Variants in RIF1 observed in about 807,000 individuals in gnomAD.
RIF1 encodes telomere-associated protein RIF1.
Under a neutral mutation model 247.1 loss-of-function variants are expected in RIF1, and 45 were observed. The ratio of observed to expected loss-of-function variants is 0.18; its 90% CI spans 0.14 to 0.23. The LOEUF (loss-of-function observed/expected upper bound fraction) is 0.23, where lower values mean the gene tolerates loss of function less well. Among genes scored for constraint, RIF1 ranks in the 10% least tolerant of loss-of-function variants. RIF1 has a pLI of 1.00. For missense variants in RIF1, 2,967 were observed against 2,862.5 expected, an observed-to-expected ratio of 1.04 and a Z score of -0.83; for synonymous variants, 1,087 against 978.8, an observed-to-expected ratio of 1.11 and a Z score of -2.06.
At chr2:151,473,227 T>C (rs1219319615) in intron 34 of RIF1, among the ~76,000 whole-genome samples, 1 of 151,994 alleles carries the variant, frequency 6.6e-6, no homozygotes, top group African/African-American at 2.4e-5. Context: ...AAGTTAACTT[T>C]CTGAACTTAG....
chr2:151,507,050 A>C, intron 13 of RIF1: 1 of 1,261,488 alleles, frequency 7.9e-7, no homozygotes, highest in Non-Finnish European at 1.2e-6. Flanking sequence ...TAAGATTTCA[A>C]CATTGCTTTG....
chr2:151,480,307 G>T lies in RIF1; in HGVS notation c.*5236G>T, dbSNP rs1354937592. 1 of 152,154 alleles carries T rather than the reference G, an allele frequency of 6.6e-6. No individual in the cohort carries two copies. Among genetic ancestry groups the T allele is most frequent in the Non-Finnish European group, 1.5e-5 (1 of 67,998 alleles). The allele number at this position is 152,154 out of a possible 1,614,324, so 9.4% of individuals were successfully genotyped here. A position where few individuals can be genotyped will look rare whatever the true frequency, so the allele number is the denominator to read the frequency against. On this transcript the variant is annotated 3_prime_UTR_variant, in exon 36 of 36. Transcript: ENST00000444746. ...GGCCACAGTGTGCCAATTTATAATTGTAGATAAAGCTGAATTTACTGGGCA... is the reference window on the plus strand; with the variant it reads ...GGCCACAGTGTGCCAATTTATAATTTTAGATAAAGCTGAATTTACTGGGCA...
At chr2:151,460,400 A>G (rs938399597) in intron 26 of RIF1, among the ~76,000 whole-genome samples, 4 of 152,226 alleles carry the variant, frequency 2.6e-5, no homozygotes, top group African/African-American at 9.7e-5. Flanking sequence ...GAATGAGACT[A>G]GTTATGAATG....
chr2:151,462,351 A>G, intron 28 of RIF1, 29 bp downstream of exon 28: 1 of 1,490,166 alleles, frequency 6.7e-7, no homozygotes, highest in Admixed American at 1.9e-5. Flanking sequence ...AAACTTTTAT[A>G]TCTGTTTTAT....
chr2:151,411,433 G>C, intron 3 of RIF1, 95 bp downstream of exon 3: 1 of 771,334 alleles, frequency 1.3e-6, no homozygotes, highest in Admixed American at 2.7e-5. Flanking sequence ...TTTTGCTCTT[G>C]TTGCCCAGGC....
In RIF1 at chr2:151,455,035, A is replaced by T. The variant is rs757830300; in HGVS notation, c.2485A>T (p.Thr829Ser). Reference protein sequence around the residue: ...FKEAHSDTLFTIGNSITGIIS... With the variant: ...FKEAHSDTLFSIGNSITGIIS... ...GGAAGCACATTCTGATACCCTCTTC[A>T]CTATTGGCAACTCAATCACCGGCAT... is the stretch of plus-strand genomic sequence containing the variant. Residue 829 changes from threonine (T) to serine (S), a missense_variant, in exon 22 of 36, where the codon ACT becomes TCT. By Grantham distance (58) the Thr-to-Ser change is moderately conservative (BLOSUM62 1). This residue lies in a region of RIF1 where 2,028 missense variants were observed against 1,825.6 expected (regional missense o/e 1.11). Transcript: ENST00000444746. 23 of 1,613,796 alleles carry T rather than the reference A, an allele frequency of 1.4e-5. No homozygotes were observed. The East Asian group carries it at 5.1e-4, about 36-fold the overall frequency.
chr2:151,415,770 G>A lies in RIF1; in HGVS notation c.281-791G>A, dbSNP rs955423868. Among the ~76,000 whole-genome samples the A allele has an allele frequency of 3.3e-5, 5 of 151,786 alleles. No homozygotes were observed. The East Asian group carries it at 5.8e-4, about 18-fold the overall frequency. ...CGCATTCCTGTAATCCCAGCTACTC[G>A]GGAGGCTGAGGCAGGAGAATCGCTT... On this transcript the variant is annotated intron_variant, in intron 4 of 35. Coordinates refer to ENST00000444746, the MANE Select transcript of RIF1 (RefSeq NM_018151.5).
chr2:151,526,880 A>G, the RIF1 span: 1 of 1,379,352 alleles, frequency 7.2e-7, no homozygotes, highest in Non-Finnish European at 1.0e-6. Flanking sequence ...GATGGCCCTG[A>G]GTGAGGTTAG....
At chr2:151,432,315 AAGGTCTTTT>A (rs1265424009) in intron 9 of RIF1, among the ~76,000 whole-genome samples, 15 of 152,134 alleles carry the variant, frequency 9.9e-5, no homozygotes, top group African/African-American at 3.6e-4. Flanking sequence ...CAGCCCTTTT[AAGGTCTTTT>A]TGACAAGTTA....
In RIF1 at chr2:151,463,241, A is replaced by G. The variant is rs148193753; in HGVS notation, c.3721A>G (p.Asn1241Asp). Residue 1241 changes from asparagine (N) to aspartate (D), a missense_variant, in exon 30 of 36, where the codon AAT becomes GAT. Asn to Asp is a conservative substitution (Grantham distance 23, BLOSUM62 1). Around this residue, in one of 7 missense-constraint regions of RIF1, gnomAD observed 2,028 missense variants for 1,825.6 expected, o/e 1.11. Transcript: ENST00000444746. Reference sequence around the variant, plus strand: ...TAGACCTTTTAGTCCATCCCCCTTGAATAATATTTCATCAACTGTTACAGT... The same window carrying G: ...TAGACCTTTTAGTCCATCCCCCTTGGATAATATTTCATCAACTGTTACAGT... ...ENRPFSPSPL[N>D]NISSTVTVKN... The G allele has an allele frequency of 1.1e-3, 1,823 of 1,613,826 alleles. 6 individuals carry two copies. Among genetic ancestry groups the G allele is most frequent in the Non-Finnish European group, 1.4e-3 (1,641 of 1,179,864 alleles).
intron 3 of RIF1, among the ~76,000 whole-genome samples, chr2:151,413,125 C>G (rs1010313770): frequency 6.6e-6 from 1 of 151,354 alleles, no homozygotes; most frequent in Non-Finnish European, 1.5e-5. Flanking sequence ...CTCCTGGGTT[C>G]AAGCCGTTCT....
the RIF1 span, among the ~76,000 whole-genome samples, chr2:151,517,520 A>G: frequency 1.1e-4 from 16 of 152,204 alleles, no homozygotes; most frequent in Non-Finnish European, 1.6e-4. Flanking sequence ...TATAGTCATG[A>G]ATTGCTTAAC....
At chr2:151,494,602 G>T (rs1239628859) in intron 9 of RIF1, among the ~76,000 whole-genome samples, 1 of 152,044 alleles carries the variant, frequency 6.6e-6, no homozygotes, top group Admixed American at 6.6e-5. Context: ...CACTGAGAAG[G>T]TTGAGGCTGT....
In RIF1 at chr2:151,465,643, T is replaced by C. The variant is rs200802221; in HGVS notation, c.6123T>C (p.Asn2041=). Residue 2041 remains asparagine (N), a synonymous_variant, in exon 30 of 36, where the codon AAT becomes AAC. Coordinates refer to ENST00000444746, the MANE Select transcript of RIF1 (RefSeq NM_018151.5). ...CTGGCCATGATGGTGAAACAGAGAA[T>C]GAGGGCATAACTACCAAAACCTCAA... ...AETGHDGETE[N]EGITTKTSKP... 3 of 1,614,106 alleles carry C rather than the reference T, an allele frequency of 1.9e-6. No individual in the cohort carries two copies. Among genetic ancestry groups the C allele is most frequent in the East Asian group, 4.5e-5 (2 of 44,870 alleles).
chr2:151,514,473 A>G, the RIF1 span: 1 of 1,388,966 alleles, frequency 7.2e-7, no homozygotes, highest in Non-Finnish European at 1.0e-6. Context: ...GAAAGCCCAG[A>G]TTGATTCTCT....
chr2:151,531,799 A>T, the RIF1 span: 1 of 1,609,574 alleles, frequency 6.2e-7, no homozygotes, highest in Non-Finnish European at 8.5e-7. Context: ...TACATCGCTG[A>T]TTTGTTTGTT....
the RIF1 span, among the ~76,000 whole-genome samples, chr2:151,525,533 T>A: frequency 6.6e-6 from 1 of 152,208 alleles, no homozygotes; most frequent in African/African-American, 2.4e-5. Flanking sequence ...TTTAAAAATA[T>A]ATGGAACCAT....
chr2:151,464,440 G>T lies in RIF1; in HGVS notation c.4920G>T (p.Leu1640Phe). Residue 1640 changes from leucine (L) to phenylalanine (F), a missense_variant, in exon 30 of 36, where the codon TTG becomes TTT. Coordinates refer to ENST00000444746, the MANE Select transcript of RIF1 (RefSeq NM_018151.5). ...CQDSTVTSDL[L>F]QVPDDLPNVC... ...ATTCTACAGTAACTTCAGATTTGTT[G>T]CAAGTTCCTGATGATTTACCAAATG... The T allele has an allele frequency of 6.2e-7, 1 of 1,613,450 alleles. No homozygotes were observed. Among genetic ancestry groups the T allele is most frequent in the Non-Finnish European group, 8.5e-7 (1 of 1,179,770 alleles).
chr2:151,463,771 T>G lies in RIF1; in HGVS notation c.4251T>G (p.Ser1417=). The G allele has an allele frequency of 1.2e-6, 2 of 1,613,874 alleles. No homozygotes were observed. The highest frequency in any genetic ancestry group is 1.7e-6 in the Non-Finnish European group (2 of 1,179,954). ...CAAATCAGAAAACCCTTAGACGGTC[T>G]TCAAGGCGACGTTCAGAAGTAGTAG... ...ITPNQKTLRR[S]SRRRSEVVES... Residue 1417 remains serine, a synonymous_variant, in exon 30 of 36, where the codon TCT becomes TCG. Coordinates refer to ENST00000444746, the MANE Select transcript of RIF1 (RefSeq NM_018151.5).
Sources: allele counts gnomAD v4.1 joint callset (sites outside exome capture counted in the v4.1 genomes callset), GRCh38; gene constraint gnomAD v4.1.1; regional missense constraint gnomAD v4.1.1; transcripts MANE v1.5; gene names NCBI Gene and HGNC (gene_info 2026-07-23, HGNC 2026-07-21).